The following TLK1 variants were observed in gnomAD, a reference collection of about 807,000 sequenced individuals.
The protein encoded by TLK1 is serine/threonine-protein kinase tousled-like 1.
In TLK1, 24 loss-of-function variants were observed where a neutral mutation model predicts 105.3. The ratio of observed to expected loss-of-function variants is 0.23; its 90% CI spans 0.17 to 0.32. The LOEUF (loss-of-function observed/expected upper bound fraction) is 0.32. Among genes scored for constraint, TLK1 ranks in the 10% least tolerant of loss-of-function variants. The pLI is 1.00. For missense variants in TLK1, 558 were observed against 910.5 expected (o/e 0.61, Z 4.98); for synonymous variants, 321 against 310.4 (o/e 1.03, Z -0.36).
At chr2:171,219,919 G>A (rs1317167156) in intron 1 of TLK1, among the ~76,000 whole-genome samples, 3 of 152,006 alleles carry the variant, frequency 2.0e-5, no homozygotes, top group Non-Finnish European at 4.4e-5. Flanking sequence ...CCTTTTTTAA[G>A]GGCACTAATT....
At chr2:171,228,969 G>C (rs1693946169) in intron 1 of TLK1, among the ~76,000 whole-genome samples, 1 of 152,202 alleles carries the variant, frequency 6.6e-6, no homozygotes, top group Non-Finnish European at 1.5e-5. Flanking sequence ...CATCTGACCT[G>C]GTCAAGCTAA....
chr2:171,123,185 T>C (rs1005975040), intron 1 of TLK1, among the ~76,000 whole-genome samples: 1 of 152,056 alleles, frequency 6.6e-6, no homozygotes, highest in African/African-American at 2.4e-5. Flanking sequence ...CAAAATCTAC[T>C]ACAAATACTC....
intron 1 of TLK1, among the ~76,000 whole-genome samples, chr2:171,158,318 G>C (rs1017205601): frequency 6.6e-6 from 1 of 152,038 alleles, no homozygotes; most frequent in Non-Finnish European, 1.5e-5. Flanking sequence ...CACTACTTTA[G>C]GTTACATAAA....
chr2:171,177,036 T>C (rs953370879), intron 1 of TLK1, among the ~76,000 whole-genome samples: 1 of 152,198 alleles, frequency 6.6e-6, no homozygotes, highest in Non-Finnish European at 1.5e-5. Context: ...TTTTGCCATG[T>C]TGGCCAGGCT....
chr2:171,069,099 T>A (rs1417064239), intron 3 of TLK1, among the ~76,000 whole-genome samples: 2 of 152,254 alleles, frequency 1.3e-5, no homozygotes, highest in Non-Finnish European at 2.9e-5. Context: ...GCAAATTTGA[T>A]AATTACTGTA....
At chr2:171,136,598 G>A (rs1239145975) in intron 1 of TLK1, among the ~76,000 whole-genome samples, 1 of 152,124 alleles carries the variant, frequency 6.6e-6, no homozygotes. Context: ...AAAAGGCTAA[G>A]ATGGTACATT....
intron 1 of TLK1, among the ~76,000 whole-genome samples, chr2:171,143,181 G>T (rs1691653678): frequency 6.6e-6 from 1 of 152,080 alleles, no homozygotes; most frequent in South Asian, 2.1e-4. Context: ...GATATCAAAT[G>T]GTAAATGAAT....
intron 2 of TLK1, among the ~76,000 whole-genome samples, chr2:171,112,560 A>G (rs1239297682): frequency 6.6e-6 from 1 of 152,222 alleles, no homozygotes; most frequent in Admixed American, 6.5e-5. Flanking sequence ...CCTCTTTTAG[A>G]GCAAGAACAA....
At chr2:171,045,535 G>C (rs1686921840) in intron 11 of TLK1, 1 of 152,020 alleles carries the variant, frequency 6.6e-6, no homozygotes, top group South Asian at 2.1e-4. Flanking sequence ...CTACTCACGT[G>C]AGTTTACGTA....
upstream of TLK1, among the ~76,000 whole-genome samples, chr2:171,161,398 C>T (rs1015121366): frequency 1.3e-5 from 2 of 152,150 alleles, no homozygotes; most frequent in Non-Finnish European, 2.9e-5. Flanking sequence ...TTTCTTGCCC[C>T]TCTGTACTGT....
intron 1 of TLK1, among the ~76,000 whole-genome samples, chr2:171,229,508 C>T (rs1693954866): frequency 6.6e-6 from 1 of 152,204 alleles, no homozygotes; most frequent in Admixed American, 6.5e-5. Context: ...CCTCCGGGTG[C>T]CATCCCTTTT....
At chr2:171,009,693 C>T (rs1684816131) in intron 14 of TLK1, among the ~76,000 whole-genome samples, 1 of 152,116 alleles carries the variant, frequency 6.6e-6, no homozygotes, top group Non-Finnish European at 1.5e-5. Context: ...ACTGCAACAA[C>T]CCTATAATGT....
intron 1 of TLK1, among the ~76,000 whole-genome samples, chr2:171,149,105 T>C (rs1468513192): frequency 6.1e-4 from 86 of 139,858 alleles, no homozygotes; most frequent in African/African-American, 1.7e-3. Flanking sequence ...TTTTCTTTTT[T>C]TTTTTTTTTT....
At chr2:171,090,548 T>C (rs769881117) in intron 2 of TLK1, among the ~76,000 whole-genome samples, 1 of 152,238 alleles carries the variant, frequency 6.6e-6, no homozygotes, top group Non-Finnish European at 1.5e-5. Flanking sequence ...TTATCGCCTA[T>C]GCTATTTATT....
chr2:170,993,775 G>GA lies in TLK1; in HGVS notation c.*4dup, dbSNP rs2105346407. On this transcript the variant is annotated 3_prime_UTR_variant, in exon 21 of 21. Transcript: ENST00000431350. ...CAAAGATATCATGCCAATCTTGGAG[G>GA]AAAGTCAGTAAGTAATTATGCTTGA... The GA allele has an allele frequency of 6.4e-7, 1 of 1,556,990 alleles. No individual in the cohort carries two copies. Among genetic ancestry groups the GA allele is most frequent in the East Asian group, 2.4e-5 (1 of 41,984 alleles).
chr2:171,089,083 T>C (rs958183), intron 2 of TLK1, among the ~76,000 whole-genome samples: 50,275 of 151,934 alleles, frequency 0.33, 8,678 homozygotes, highest in African/African-American at 0.38. Context: ...GGTTTCGCCA[T>C]GTTGGCCAGG....
chr2:170,994,093 A>C, intron 20 of TLK1, 137 bp from the exon 21 acceptor site: 1 of 972,580 alleles, frequency 1.0e-6, no homozygotes, highest in Non-Finnish European at 1.4e-6. Flanking sequence ...ACCTTAAAAA[A>C]AAAATTCTGT....
intron 1 of TLK1, among the ~76,000 whole-genome samples, chr2:171,207,344 A>G (rs1693524955): frequency 1.3e-5 from 2 of 152,254 alleles, no homozygotes; most frequent in South Asian, 4.1e-4. Flanking sequence ...GGAAAAGTCA[A>G]AACGAGGGAG....
chr2:170,999,131 T>C (rs904952441), intron 18 of TLK1, among the ~76,000 whole-genome samples: 1 of 152,206 alleles, frequency 6.6e-6, no homozygotes, highest in African/African-American at 2.4e-5. Flanking sequence ...AAGTAAAAGA[T>C]CCATCACAAG....
Sources: allele counts gnomAD v4.1 joint callset (sites outside exome capture counted in the v4.1 genomes callset), GRCh38; gene constraint gnomAD v4.1.1; transcripts MANE v1.5; gene names NCBI Gene and HGNC (gene_info 2026-07-23, HGNC 2026-07-21).